The following HS6ST3 variants were observed in gnomAD, a reference collection of about 807,000 sequenced individuals.
HS6ST3 encodes the protein heparan-sulfate 6-O-sulfotransferase 3.
Under a neutral mutation model 36.7 loss-of-function variants are expected in HS6ST3, and 12 were observed. The ratio of observed to expected loss-of-function variants is 0.33; its 90% CI spans 0.21 to 0.53. The LOEUF (loss-of-function observed/expected upper bound fraction) is 0.53, where lower values mean the gene tolerates loss of function less well. Ranked by LOEUF, HS6ST3 falls within the 20% of genes least tolerant of loss-of-function variation. The pLI, the probability that HS6ST3 is intolerant of heterozygous loss-of-function variation, is 0.95. For missense variants in HS6ST3, 584 were observed against 640.9 expected (o/e 0.91, Z 0.96); for synonymous variants, 240 against 257.5 (o/e 0.93, Z 0.65).
chr13:96,332,207 C>T (rs1441130924), intron 1 of HS6ST3, among the ~76,000 whole-genome samples: 1 of 152,118 alleles, frequency 6.6e-6, no homozygotes, highest in African/African-American at 2.4e-5. Flanking sequence ...GGCTCCTCCC[C>T]CCATTTTTTC....
chr13:96,295,185 A>G (rs1196400046), intron 1 of HS6ST3, among the ~76,000 whole-genome samples: 1 of 152,138 alleles, frequency 6.6e-6, no homozygotes. Context: ...GGATACATAT[A>G]ATAGAATGAA....
intron 1 of HS6ST3, among the ~76,000 whole-genome samples, chr13:96,352,402 C>T (rs1397595744): frequency 6.6e-6 from 1 of 152,166 alleles, no homozygotes; most frequent in African/African-American, 2.4e-5. Context: ...TGATCATTGG[C>T]AGTAGGTGTC....
At chr13:96,544,356 A>G (rs2056189423) in intron 1 of HS6ST3, among the ~76,000 whole-genome samples, 1 of 152,200 alleles carries the variant, frequency 6.6e-6, no homozygotes, top group South Asian at 2.1e-4. Flanking sequence ...ATACAGAAAG[A>G]GAAGGCTCAT....
chr13:96,256,201 A>G (rs969839158), intron 1 of HS6ST3, among the ~76,000 whole-genome samples: 7 of 152,184 alleles, frequency 4.6e-5, no homozygotes, highest in Non-Finnish European at 7.3e-5. Context: ...GGTCACTGCA[A>G]TTGGTACTAG....
chr13:96,264,554 T>C (rs545155961), intron 1 of HS6ST3, among the ~76,000 whole-genome samples: 1 of 152,348 alleles, frequency 6.6e-6, no homozygotes, highest in East Asian at 1.9e-4. Context: ...ACCTGGTCTC[T>C]CTTTAAAGTT....
chr13:96,196,329 T>C (rs989109951), intron 1 of HS6ST3, among the ~76,000 whole-genome samples: 4 of 152,126 alleles, frequency 2.6e-5, no homozygotes, highest in South Asian at 2.1e-4. Flanking sequence ...CTACTTGGAT[T>C]GTAACCCATG....
Position 96,592,296 on chromosome 13 carries a change from C to T in HS6ST3, c.708-240194C>T, listed in dbSNP as rs1004309490. ...AAAAAAAGCTAACAAAATCTCTATACCTTAACTTCATCCCTTCTCTTGCTT... is the reference window on the plus strand; with the variant it reads ...AAAAAAAGCTAACAAAATCTCTATATCTTAACTTCATCCCTTCTCTTGCTT... On this transcript the variant is annotated intron_variant, in intron 1 of 1. Coordinates refer to ENST00000376705, the MANE Select transcript of HS6ST3 (RefSeq NM_153456.4). Among the ~76,000 whole-genome samples the T allele has an allele frequency of 7.8e-4, 119 of 152,218 alleles. 2 individuals carry two copies. The highest frequency in any genetic ancestry group is 2.7e-3 in the African/African-American group (114 of 41,552).
At chr13:96,485,852 A>G (rs2055911416) in intron 1 of HS6ST3, among the ~76,000 whole-genome samples, 1 of 152,130 alleles carries the variant, frequency 6.6e-6, no homozygotes, top group African/African-American at 2.4e-5. Context: ...AATTCTTTTT[A>G]GAAATATATC....
At chr13:96,225,058 C>G (rs1297252464) in intron 1 of HS6ST3, among the ~76,000 whole-genome samples, 2 of 152,084 alleles carry the variant, frequency 1.3e-5, no homozygotes, top group African/African-American at 4.8e-5. Context: ...TGAGAGAGTC[C>G]CTAAGAATGA....
At position 96,124,873 on chromosome 13, in the gene HS6ST3, A is replaced by G. The variant is rs1471561986; in HGVS notation, c.707+33304A>G. On this transcript the variant is annotated intron_variant, in intron 1 of 1. Transcript: ENST00000376705. ...ACGTTTAAGGTATGGTATGCTACCA[A>G]TGATACGCCACCCCTGAATATAGAC... 8.5e-5 allele frequency among the ~76,000 whole-genome samples: 13 copies of G among 152,362 alleles called. No homozygotes were observed. The East Asian group carries it at 2.3e-3, about 27-fold the overall frequency.
intron 1 of HS6ST3, among the ~76,000 whole-genome samples, chr13:96,826,240 T>C (rs1878644201): frequency 6.6e-6 from 1 of 152,194 alleles, no homozygotes; most frequent in Non-Finnish European, 1.5e-5. Context: ...CACAATCAAA[T>C]GACAAGTGCA....
At chr13:96,678,848 T>C (rs574334618) in intron 1 of HS6ST3, among the ~76,000 whole-genome samples, 9 of 152,078 alleles carry the variant, frequency 5.9e-5, no homozygotes, top group Non-Finnish European at 1.3e-4. Context: ...CATTATTCAT[T>C]TATTTTTCTT....
At chr13:96,301,219 T>C (rs1020852555) in intron 1 of HS6ST3, among the ~76,000 whole-genome samples, 28 of 152,212 alleles carry the variant, frequency 1.8e-4, no homozygotes, top group Non-Finnish European at 5.9e-5. Context: ...TATATACAGT[T>C]AAACAAAACA....
intron 1 of HS6ST3, among the ~76,000 whole-genome samples, chr13:96,239,834 T>C (rs1315445543): frequency 6.6e-6 from 1 of 152,194 alleles, no homozygotes; most frequent in Non-Finnish European, 1.5e-5. Context: ...AGGTGACTGA[T>C]GTGATTCTAT....
At chr13:96,434,824 C>A (rs778170649) in intron 1 of HS6ST3, among the ~76,000 whole-genome samples, 2 of 151,990 alleles carry the variant, frequency 1.3e-5, no homozygotes, top group Admixed American at 6.6e-5. Context: ...ATTTTTTATC[C>A]TCCTGCAAGA....
chr13:96,640,956 T>C (rs1382393368), intron 1 of HS6ST3, among the ~76,000 whole-genome samples: 1 of 152,022 alleles, frequency 6.6e-6, no homozygotes, highest in Non-Finnish European at 1.5e-5. Flanking sequence ...TACTGCAGAC[T>C]TACAGTATAG....
chr13:96,537,238 T>C (rs909889341), intron 1 of HS6ST3, among the ~76,000 whole-genome samples: 2 of 152,184 alleles, frequency 1.3e-5, no homozygotes, highest in Admixed American at 6.5e-5. Flanking sequence ...AAACCCCTTA[T>C]AAAACCATCA....
chr13:96,466,206 G>A lies in HS6ST3; in HGVS notation c.708-366284G>A, dbSNP rs7993377. 3.8e-3 allele frequency among the ~76,000 whole-genome samples: 585 copies of A among 152,160 alleles called. 4 individuals are homozygous for A. Among genetic ancestry groups the A allele is most frequent in the African/African-American group, 0.014 (563 of 41,512 alleles). On this transcript the variant is annotated intron_variant, in intron 1 of 1. Coordinates refer to ENST00000376705, the MANE Select transcript of HS6ST3 (RefSeq NM_153456.4). Reference sequence around the variant, plus strand: ...TAAGGCAGGGGAATTGCTTGAACCCGGGAGGCGGAGGTTGCAGTGAGCCAA... The same window carrying A: ...TAAGGCAGGGGAATTGCTTGAACCCAGGAGGCGGAGGTTGCAGTGAGCCAA...
intron 1 of HS6ST3, among the ~76,000 whole-genome samples, chr13:96,148,691 A>C (rs1018410150): frequency 3.3e-5 from 5 of 152,248 alleles, no homozygotes; most frequent in Non-Finnish European, 7.3e-5. Context: ...CATGAAAATT[A>C]GATTATTTCT....
Sources: allele counts gnomAD v4.1 joint callset (sites outside exome capture counted in the v4.1 genomes callset), GRCh38; gene constraint gnomAD v4.1.1; transcripts MANE v1.5; gene names NCBI Gene and HGNC (gene_info 2026-07-23, HGNC 2026-07-21).